Variants in CDH13 observed in about 807,000 individuals in gnomAD.
CDH13 encodes cadherin-13.
CDH13 carries 24 observed loss-of-function variants against 63.8 expected under a neutral mutation model. The ratio of observed to expected loss-of-function variants is 0.38; its 90% CI spans 0.27 to 0.53. The LOEUF (loss-of-function observed/expected upper bound fraction) is 0.53. CDH13 is among the 20% of genes least tolerant of loss of function. The probability of loss-of-function intolerance (pLI) is 0.85; values close to 1 mark genes in which losing one functional copy is unlikely to be tolerated. For missense variants in CDH13, 1,049 were observed against 903.1 expected (o/e 1.16, Z -2.07); for synonymous variants, 503 against 355.3 (o/e 1.42, Z -4.67).
intron 5 of CDH13, among the ~76,000 whole-genome samples, chr16:83,256,457 A>T (rs1906271951): frequency 6.6e-6 from 1 of 152,124 alleles, no homozygotes; most frequent in Non-Finnish European, 1.5e-5. Context: ...CTACAAGAGC[A>T]TTAGAGATAG....
At chr16:83,441,009 C>T (rs1754721811) in intron 6 of CDH13, among the ~76,000 whole-genome samples, 1 of 152,128 alleles carries the variant, frequency 6.6e-6, no homozygotes, top group South Asian at 2.1e-4. Context: ...TTCTAGGAAA[C>T]CAACTTTCTA....
chr16:83,530,353 T>C (rs1435188712), intron 7 of CDH13, among the ~76,000 whole-genome samples: 1 of 152,212 alleles, frequency 6.6e-6, no homozygotes, highest in African/African-American at 2.4e-5. Flanking sequence ...GTTTTATGAT[T>C]CTCATATTAG....
chr16:83,093,041 T>C (rs1360951852), intron 3 of CDH13, among the ~76,000 whole-genome samples: 1 of 152,182 alleles, frequency 6.6e-6, no homozygotes, highest in African/African-American at 2.4e-5. Flanking sequence ...TACCTTATTT[T>C]TCTCTTCTTC....
rs559042073 is a variant in CDH13 at position 82,928,276 on chromosome 16, T to TAA, written c.157+69804_157+69805dup. On this transcript the variant is annotated intron_variant, in intron 2 of 13. Coordinates refer to ENST00000567109, the MANE Select transcript of CDH13 (RefSeq NM_001257.5). ...CTTCTAATTCATTTGACCAGTCCTG[T>TAA]AATTGATGGGCATCCAGGTTGCCTC... is the stretch of plus-strand genomic sequence containing the variant. Among the ~76,000 whole-genome samples, 12 of 152,204 alleles carry TAA rather than the reference T, an allele frequency of 7.9e-5. No homozygotes were observed. The South Asian group carries it at 2.1e-3, about 26-fold the overall frequency.
Position 82,644,961 on chromosome 16 carries a change from T to C in CDH13, c.45+17824T>C, listed in dbSNP as rs1909911527. Among the ~76,000 whole-genome samples the C allele has an allele frequency of 6.6e-6, 1 of 152,216 alleles. No homozygotes were observed. Among genetic ancestry groups the C allele is most frequent in the Non-Finnish European group, 1.5e-5 (1 of 68,042 alleles). ...TATAAACTAATATTTTGGAAAACTC[T>C]GGAGTTAGAGAAGTGGACCAGATTG... On this transcript the variant is annotated intron_variant, in intron 1 of 13. Transcript: ENST00000567109. This position sits in a 1 kb window ranked among gnomAD's most constrained non-coding sequence, Gnocchi z 5.7.
At chr16:83,579,722 G>A (rs1250559052) in intron 7 of CDH13, among the ~76,000 whole-genome samples, 1 of 152,062 alleles carries the variant, frequency 6.6e-6, no homozygotes, top group Non-Finnish European at 1.5e-5. Context: ...CTGTACTGAT[G>A]TGAATGGAGT....
At chr16:83,242,010 G>A (rs28583856) in intron 5 of CDH13, among the ~76,000 whole-genome samples, 19,428 of 152,102 alleles carry the variant, frequency 0.13, 1,369 homozygotes, top group Middle Eastern at 0.18. Flanking sequence ...GCTGATTTTT[G>A]TATACGGCAT....
chr16:83,101,500 T>C (rs1016109591), intron 3 of CDH13, among the ~76,000 whole-genome samples: 2 of 150,624 alleles, frequency 1.3e-5, no homozygotes, highest in Non-Finnish European at 3.0e-5. Context: ...GTTTTAGAAA[T>C]ACTGGGTAGA....
intron 11 of CDH13, among the ~76,000 whole-genome samples, chr16:83,761,260 C>T (rs1012700131): frequency 2.6e-5 from 4 of 152,138 alleles, no homozygotes; most frequent in Admixed American, 2.0e-4. Flanking sequence ...TTTCTAGAAT[C>T]GTGCTTCATA....
At chr16:82,858,328 G>T (rs114414013) in intron 1 of CDH13, 34 bp from the exon 2 acceptor site, 4 of 1,404,622 alleles carry the variant, frequency 2.8e-6, no homozygotes. Flanking sequence ...CACATAAGCC[G>T]CTATTAAAAT....
At chr16:83,412,318 C>G (rs1054975877) in intron 6 of CDH13, among the ~76,000 whole-genome samples, 2 of 152,102 alleles carry the variant, frequency 1.3e-5, no homozygotes, top group Admixed American at 1.3e-4. Context: ...AAAAATTAGT[C>G]AGGCATGGTG....
chr16:83,782,066 G>A (rs1018348321), intron 12 of CDH13, among the ~76,000 whole-genome samples: 1 of 152,140 alleles, frequency 6.6e-6, no homozygotes, highest in Non-Finnish European at 1.5e-5. Context: ...TTCTGGTAAT[G>A]ATCATGCTTC....
chr16:83,464,305 G>A (rs375694398), intron 6 of CDH13, among the ~76,000 whole-genome samples: 1 of 152,180 alleles, frequency 6.6e-6, no homozygotes, highest in African/African-American at 2.4e-5. Flanking sequence ...GTGAAGTCAG[G>A]AGTTCAAGAC....
At chr16:83,139,344 T>G (rs2151671978) in intron 4 of CDH13, among the ~76,000 whole-genome samples, 1 of 152,350 alleles carries the variant, frequency 6.6e-6, no homozygotes, top group Admixed American at 6.5e-5. Flanking sequence ...AAACTTTTAT[T>G]TTATTTTTTT....
chr16:83,393,430 A>G (rs1359350491), intron 6 of CDH13, among the ~76,000 whole-genome samples: 6 of 152,114 alleles, frequency 3.9e-5, no homozygotes, highest in African/African-American at 4.8e-5. Flanking sequence ...TAGAGATGTG[A>G]GGAGAAGCCA....
Position 83,662,217 on chromosome 16 carries a change from C to G in CDH13, c.1102-8573C>G, listed in dbSNP as rs143346445. ...TTTCCACATTCGAGTTTTGCATTTTCTCACCTGTTTAGTAATGGTGGATGG... is the reference window on the plus strand; with the variant it reads ...TTTCCACATTCGAGTTTTGCATTTTGTCACCTGTTTAGTAATGGTGGATGG... On this transcript the variant is annotated intron_variant, in intron 8 of 13. Transcript: ENST00000567109. Among the ~76,000 whole-genome samples, 3 of 152,278 alleles carry G rather than the reference C, an allele frequency of 2.0e-5. No homozygotes were observed. The East Asian group carries it at 5.8e-4, about 29-fold the overall frequency.
intron 2 of CDH13, among the ~76,000 whole-genome samples, chr16:82,942,392 A>T (rs1904299765): frequency 6.6e-6 from 1 of 152,208 alleles, no homozygotes; most frequent in Non-Finnish European, 1.5e-5. Context: ...TGAGGGTGGT[A>T]AATTTTAATC....
intron 13 of CDH13, among the ~76,000 whole-genome samples, chr16:83,789,466 C>A (rs1916114870): frequency 6.6e-6 from 1 of 151,936 alleles, no homozygotes; most frequent in African/African-American, 2.4e-5. Flanking sequence ...CCTGCCTCAG[C>A]CTCTGAAGTA....
intron 3 of CDH13, among the ~76,000 whole-genome samples, chr16:83,061,535 C>G (rs2031549866): frequency 6.6e-6 from 1 of 152,102 alleles, no homozygotes; most frequent in Non-Finnish European, 1.5e-5. Flanking sequence ...TCCAGCTCAC[C>G]CATGGTGTGC....
Sources: allele counts gnomAD v4.1 joint callset (sites outside exome capture counted in the v4.1 genomes callset), GRCh38; gene constraint gnomAD v4.1.1; non-coding constraint Gnocchi (gnomAD v3.1); transcripts MANE v1.5; gene names NCBI Gene and HGNC (gene_info 2026-07-23, HGNC 2026-07-21).